The following GLIS3 variants were observed in gnomAD, a reference collection of about 807,000 sequenced individuals.
The protein encoded by GLIS3 is GLIS family zinc finger 3, also known as zinc finger protein GLIS3.
Under a neutral mutation model 78.6 loss-of-function variants are expected in GLIS3, and 53 were observed. The observed-to-expected ratio is 0.67, with a 90% confidence interval of 0.54 to 0.85. GLIS3 has a LOEUF of 0.85. GLIS3 is among the 40% of genes least tolerant of loss of function. GLIS3 has a pLI of 0.00. For missense variants in GLIS3, 1,703 were observed against 1,231.1 expected, an observed-to-expected ratio of 1.38 and a Z score of -5.74; for synonymous variants, 684 against 509.9, an observed-to-expected ratio of 1.34 and a Z score of -4.60.
the GLIS3 span, among the ~76,000 whole-genome samples, chr9:4,390,179 G>A: frequency 2.6e-3 from 402 of 152,312 alleles, 1 homozygote; most frequent in African/African-American, 9.0e-3. Context: ...TCCAAATTGT[G>A]GAGAATAAAG....
intron 9 of GLIS3, among the ~76,000 whole-genome samples, chr9:3,851,007 T>G (rs1424324121): frequency 6.6e-6 from 1 of 152,198 alleles, no homozygotes; most frequent in African/African-American, 2.4e-5. Flanking sequence ...TCACAGTGCG[T>G]TGATTAAATG....
chr9:3,842,358 G>A (rs779335133), intron 9 of GLIS3, among the ~76,000 whole-genome samples: 9 of 152,150 alleles, frequency 5.9e-5, no homozygotes, highest in Non-Finnish European at 1.2e-4. Flanking sequence ...TGTAATCCCA[G>A]CTACTCGGCA....
intron 4 of GLIS3, among the ~76,000 whole-genome samples, chr9:3,946,632 T>C (rs576337750): frequency 1.3e-5 from 2 of 152,362 alleles, no homozygotes; most frequent in South Asian, 4.1e-4. Flanking sequence ...GTGATGCATT[T>C]ACTTCTTTAT....
At chr9:3,853,095 T>C (rs1819536924) in intron 9 of GLIS3, among the ~76,000 whole-genome samples, 1 of 152,138 alleles carries the variant, frequency 6.6e-6, no homozygotes, top group African/African-American at 2.4e-5. Context: ...GCCTGCAGTC[T>C]CGGCTGCTTG....
At chr9:3,971,787 C>T (rs10758547) in intron 4 of GLIS3, among the ~76,000 whole-genome samples, 33,523 of 152,114 alleles carry the variant, frequency 0.22, 4,031 homozygotes, top group East Asian at 0.47. Context: ...CAATTAAATC[C>T]TACCACACTT....
At chr9:4,398,523 T>G in the GLIS3 span, among the ~76,000 whole-genome samples, 6 of 151,866 alleles carry the variant, frequency 4.0e-5, no homozygotes, top group African/African-American at 1.5e-4. Context: ...TGGAGAACAT[T>G]GCCTCCTTCT....
chr9:4,208,689 C>T (rs560063813), intron 2 of GLIS3, among the ~76,000 whole-genome samples: 1 of 152,096 alleles, frequency 6.6e-6, no homozygotes, highest in South Asian at 2.1e-4. Flanking sequence ...TTTGAAAAAC[C>T]CTGGATGGTT....
At chr9:3,932,729 C>A in intron 5 of GLIS3, 1 of 451,368 alleles carries the variant, frequency 2.2e-6, no homozygotes, top group East Asian at 5.1e-5. Context: ...TGTGCTCTAA[C>A]CACAAAACCT....
At position 4,121,620 on chromosome 9, in the gene GLIS3, GACACAC is replaced by G. The variant is rs767610111; in HGVS notation, c.597-2745_597-2740del. 4.6e-3 allele frequency among the ~76,000 whole-genome samples: 647 copies of G among 142,194 alleles called. 8 individuals carry two copies. The East Asian group carries it at 0.053, about 12-fold the overall frequency. 93.3% of individuals were successfully genotyped at this position (142,194 alleles called of 152,430 possible). A position where few individuals can be genotyped will look rare whatever the true frequency, so the allele number is the denominator to read the frequency against. On this transcript the variant is annotated intron_variant, in intron 3 of 10. Transcript: ENST00000381971. ...CAGGGTTTGGGAAATTTCTCCCAGTGACACACACACACACACACACACACACACACA... is the reference window on the plus strand; with the variant it reads ...CAGGGTTTGGGAAATTTCTCCCAGTGACACACACACACACACACACACACA...
chr9:4,471,775 G>C, the GLIS3 span, among the ~76,000 whole-genome samples: 30 of 152,254 alleles, frequency 2.0e-4, no homozygotes, highest in African/African-American at 6.3e-4. Context: ...TTAAACTAAA[G>C]AGCTTCTGCA....
intron 4 of GLIS3, among the ~76,000 whole-genome samples, chr9:3,944,661 C>G (rs985279502): frequency 6.6e-6 from 1 of 152,152 alleles, no homozygotes; most frequent in Non-Finnish European, 1.5e-5. Flanking sequence ...GGTTGACAGA[C>G]AGCAAAAAAT....
At chr9:4,359,223 C>G in the GLIS3 span, among the ~76,000 whole-genome samples, 1 of 152,106 alleles carries the variant, frequency 6.6e-6, no homozygotes, top group East Asian at 1.9e-4. Context: ...CCGAGATGAG[C>G]GCGTGTGAAT....
intron 2 of GLIS3, among the ~76,000 whole-genome samples, chr9:4,252,437 G>A (rs765252099): frequency 3.3e-5 from 5 of 151,914 alleles, no homozygotes; most frequent in Non-Finnish European, 7.4e-5. Context: ...AAGTCCTTGT[G>A]CTGTTTTTCA....
At position 4,143,014 on chromosome 9, in the gene GLIS3, T is replaced by C. The variant is rs897022384; in HGVS notation, c.389-17073A>G. ...CTGTTGGGTACTAGTTAGCCAAACC[T>C]ACTCTCTGACATACTCACCTTGCAA... On this transcript the variant is annotated intron_variant, in intron 2 of 10. Coordinates refer to ENST00000381971, the MANE Select transcript of GLIS3 (RefSeq NM_001042413.2). 9.8e-5 allele frequency among the ~76,000 whole-genome samples: 15 copies of C among 152,290 alleles called. No homozygotes were observed. In the South Asian group the frequency reaches 1.0e-3, roughly 11 times the overall value.
At chr9:4,381,773 C>T in the GLIS3 span, among the ~76,000 whole-genome samples, 4 of 152,162 alleles carry the variant, frequency 2.6e-5, no homozygotes, top group Non-Finnish European at 4.4e-5. Context: ...TTCCAGACTC[C>T]TTTACTACCT....
chr9:4,236,131 T>C (rs893517602), intron 2 of GLIS3, among the ~76,000 whole-genome samples: 3 of 128,702 alleles, frequency 2.3e-5, no homozygotes, highest in Admixed American at 1.0e-4. Flanking sequence ...CACAGCTTAA[T>C]AGCTGGAGTA....
intron 5 of GLIS3, among the ~76,000 whole-genome samples, chr9:3,933,961 G>A (rs1825756516): frequency 6.6e-6 from 1 of 152,200 alleles, no homozygotes; most frequent in African/African-American, 2.4e-5. Context: ...TTGATTGACT[G>A]ACTGTTTGAC....
At chr9:3,856,355 T>C (rs1183418834) in intron 8 of GLIS3, among the ~76,000 whole-genome samples, 171 bp from the exon 9 acceptor site, 1 of 152,134 alleles carries the variant, frequency 6.6e-6, no homozygotes, top group Non-Finnish European at 1.5e-5. Flanking sequence ...CCCTCCCCAC[T>C]GCCATTTAAC....
Position 4,286,206 on chromosome 9 carries a change from C to T in GLIS3, c.220G>A (p.Val74Met), listed in dbSNP as rs768657630. 10 of 1,614,070 alleles carry T rather than the reference C, an allele frequency of 6.2e-6. No homozygotes were observed. Among genetic ancestry groups the T allele is most frequent in the South Asian group, 3.3e-5 (3 of 91,092 alleles). ...GGCAGATGGATGCGGCTCTCAGCCA[C>T]GTTGTTCTGAGGAGCCATCCCTCCT... ...SGGGMAPQNN[V>M]AESRIHLPAL... Residue 74 changes from valine (V) to methionine (M), a missense_variant, in exon 2 of 11, where the codon GTG becomes ATG. Physicochemically the swap from Val to Met is conservative, Grantham distance 21 (BLOSUM62 1). Transcript: ENST00000381971.
Sources: allele counts gnomAD v4.1 joint callset (sites outside exome capture counted in the v4.1 genomes callset), GRCh38; gene constraint gnomAD v4.1.1; transcripts MANE v1.5; gene names NCBI Gene and HGNC (gene_info 2026-07-23, HGNC 2026-07-21).